Variants in DCLK1 observed in about 807,000 individuals in gnomAD.
DCLK1 encodes serine/threonine-protein kinase DCLK1.
A neutral mutation model predicts 86.2 loss-of-function variants in DCLK1; 16 were observed. That is an observed-to-expected ratio of 0.19 (90% CI 0.13 to 0.28). The LOEUF (loss-of-function observed/expected upper bound fraction) is 0.28. Among genes scored for constraint, DCLK1 ranks in the 10% least tolerant of loss-of-function variants. The probability of loss-of-function intolerance (pLI) is 1.00; values close to 1 mark genes in which losing one functional copy is unlikely to be tolerated. For synonymous variants in DCLK1, 369 were observed against 370.5 expected (o/e 1.00, Z 0.05); for missense variants, 590 against 940.2 (o/e 0.63, Z 4.87).
chr13:35,950,749 G>A (rs1877622148), intron 3 of DCLK1, among the ~76,000 whole-genome samples: 1 of 152,226 alleles, frequency 6.6e-6, no homozygotes, highest in African/African-American at 2.4e-5. Flanking sequence ...CCAACCTGTG[G>A]AGAAGCACCT....
chr13:35,966,400 T>G (rs182337091), intron 3 of DCLK1, among the ~76,000 whole-genome samples: 2 of 152,266 alleles, frequency 1.3e-5, no homozygotes, highest in African/African-American at 4.8e-5. Context: ...TATTCATTGA[T>G]GGATGAATGG....
chr13:36,045,352 A>C (rs1308917438), intron 3 of DCLK1, among the ~76,000 whole-genome samples: 2 of 117,830 alleles, frequency 1.7e-5, no homozygotes, highest in South Asian at 2.6e-4. Context: ...ATATATATAT[A>C]TATATATATA....
intron 4 of DCLK1, among the ~76,000 whole-genome samples, chr13:35,914,353 A>ATATGCG (rs1875261491): frequency 5.9e-5 from 1 of 16,856 alleles, no homozygotes; most frequent in Admixed American, 1.3e-3. Flanking sequence ...ATATATACAT[A>ATATGCG]TATATATATA....
intron 2 of DCLK1, among the ~76,000 whole-genome samples, chr13:36,124,788 C>T (rs1028909607): frequency 6.6e-6 from 1 of 152,182 alleles, no homozygotes; most frequent in Non-Finnish European, 1.5e-5. Context: ...TTCCCAGATT[C>T]TTTTGTGCCA....
At chr13:35,837,794 G>A (rs1327027478) in intron 7 of DCLK1, among the ~76,000 whole-genome samples, 1 of 152,048 alleles carries the variant, frequency 6.6e-6, no homozygotes, top group Non-Finnish European at 1.5e-5. Flanking sequence ...GGCTGGGTGT[G>A]GTGGCTCATG....
intron 3 of DCLK1, among the ~76,000 whole-genome samples, chr13:35,980,688 A>T (rs1879594259): frequency 6.6e-6 from 1 of 152,172 alleles, no homozygotes; most frequent in African/African-American, 2.4e-5. Context: ...TGATGAAATC[A>T]TTCCACCTCA....
At chr13:36,100,434 G>T (rs187772569) in intron 3 of DCLK1, among the ~76,000 whole-genome samples, 1 of 152,010 alleles carries the variant, frequency 6.6e-6, no homozygotes, top group Non-Finnish European at 1.5e-5. Flanking sequence ...ATAAGCCTGC[G>T]CTATTCCTTT....
intron 15 of DCLK1, among the ~76,000 whole-genome samples, chr13:35,802,406 T>C (rs921819882): frequency 2.0e-4 from 31 of 152,094 alleles, no homozygotes; most frequent in Non-Finnish European, 4.0e-4. Context: ...TCAGGAGCCT[T>C]TTAAGGCCAC....
chr13:35,820,743 A>C (rs980871700), intron 11 of DCLK1, among the ~76,000 whole-genome samples: 23 of 152,222 alleles, frequency 1.5e-4, no homozygotes, highest in Admixed American at 6.5e-5. Flanking sequence ...ATGAGAGAAA[A>C]TTGCTGCAGT....
At chr13:36,116,908 A>T (rs1409358547) in intron 2 of DCLK1, among the ~76,000 whole-genome samples, 2 of 152,256 alleles carry the variant, frequency 1.3e-5, no homozygotes, top group Non-Finnish European at 2.9e-5. Flanking sequence ...ATTACATTTT[A>T]TGAGGCAACT....
chr13:36,021,698 G>A lies in DCLK1; in HGVS notation c.724-74241C>T, dbSNP rs575062322. ...AAGGGTCAATCCATCAAGAAGATAC[G>A]GTAATTAAGAAATATATAGGCACCT... On this transcript the variant is annotated intron_variant, in intron 3 of 16. Transcript: ENST00000360631. Among the ~76,000 whole-genome samples, 4 of 152,054 alleles carry A rather than the reference G, an allele frequency of 2.6e-5. No individual in the cohort carries two copies. The East Asian group carries it at 5.8e-4, about 22-fold the overall frequency.
intron 16 of DCLK1, among the ~76,000 whole-genome samples, chr13:35,789,014 C>G (rs1015532099): frequency 2.6e-5 from 4 of 152,062 alleles, no homozygotes; most frequent in African/African-American, 9.7e-5. Flanking sequence ...TTGATTAACA[C>G]AAAGTACAAT....
At position 35,958,130 on chromosome 13, in the gene DCLK1, T is replaced by TATAACCACCACTACCACCACCACC. The variant is rs1878166883; in HGVS notation, c.724-10674_724-10673insGGTGGTGGTGGTAGTGGTGGTTAT. Among the ~76,000 whole-genome samples, 21 of 15,794 alleles carry TATAACCACCACTACCACCACCACC rather than the reference T, an allele frequency of 1.3e-3. 3 individuals are homozygous for TATAACCACCACTACCACCACCACC. The highest frequency in any genetic ancestry group is 2.2e-3 in the Non-Finnish European group (19 of 8,654). 10.4% of individuals were successfully genotyped at this position (15,794 alleles called of 152,430 possible). On this transcript the variant is annotated intron_variant, in intron 3 of 16. Coordinates refer to ENST00000360631, the MANE Select transcript of DCLK1 (RefSeq NM_001330071.2). ...CCACCATCACCACCACCACTACCAC[T>TATAACCACCACTACCACCACCACC]ACTATAACCACCACCACCACCACTA...
intron 15 of DCLK1, among the ~76,000 whole-genome samples, chr13:35,801,166 C>T (rs1593603742): frequency 6.6e-6 from 1 of 152,162 alleles, no homozygotes; most frequent in African/African-American, 2.4e-5. Context: ...TTTTCTTCCC[C>T]CTTCTCTCCT....
intron 3 of DCLK1, among the ~76,000 whole-genome samples, chr13:36,109,530 G>T (rs1276735080): frequency 6.6e-6 from 1 of 152,176 alleles, no homozygotes; most frequent in African/African-American, 2.4e-5. Flanking sequence ...TAAGCAAGTT[G>T]TTATGAGGAT....
intron 8 of DCLK1, 128 bp from the exon 9 acceptor site, chr13:35,828,435 C>T (rs1868663954): frequency 2.6e-6 from 2 of 761,736 alleles, no homozygotes; most frequent in East Asian, 2.8e-5. Context: ...GAAAGGATTT[C>T]CTTTCCTTTT....
At chr13:36,094,768 G>A (rs1009973018) in intron 3 of DCLK1, among the ~76,000 whole-genome samples, 1 of 152,140 alleles carries the variant, frequency 6.6e-6, no homozygotes, top group East Asian at 1.9e-4. Flanking sequence ...CATCTGCTGT[G>A]AAAGAAGAAA....
intron 6 of DCLK1, chr13:35,846,955 T>A: frequency 2.0e-6 from 2 of 985,190 alleles, no homozygotes; most frequent in Non-Finnish European, 2.4e-6. Context: ...TTACTTCATA[T>A]CAAATATACT....
chr13:35,981,879 G>A (rs1238445091), intron 3 of DCLK1, among the ~76,000 whole-genome samples: 3 of 152,054 alleles, frequency 2.0e-5, no homozygotes, highest in African/African-American at 4.8e-5. Flanking sequence ...CTTTTCCATG[G>A]TGGCTGCACC....
Sources: allele counts gnomAD v4.1 joint callset (sites outside exome capture counted in the v4.1 genomes callset), GRCh38; gene constraint gnomAD v4.1.1; transcripts MANE v1.5; gene names NCBI Gene and HGNC (gene_info 2026-07-23, HGNC 2026-07-21).